Variants in LTO1 observed in about 807,000 individuals in gnomAD.
LTO1 encodes the protein LTO1 maturation factor of ABCE1.
Under a neutral mutation model 19.8 loss-of-function variants are expected in LTO1, and 18 were observed. That is an observed-to-expected ratio of 0.91 (90% CI 0.63 to 1.35). The LOEUF (loss-of-function observed/expected upper bound fraction) is 1.35. Ranked by LOEUF, LTO1 falls within the 40% of genes most tolerant of loss-of-function variation. The pLI is 0.00. For synonymous variants in LTO1, 59 were observed against 59.6 expected (o/e 0.99, Z 0.05); for missense variants, 175 against 167.9 (o/e 1.04, Z -0.23).
chr11:69,667,711 T>C, intron 4 of LTO1, 124 bp from the exon 5 acceptor site: 1 of 754,358 alleles, frequency 1.3e-6, no homozygotes, highest in South Asian at 1.6e-5. Context: ...GAGTTCTAAC[T>C]CCTTTTCTCT....
At chr11:69,673,143 C>T (rs960131455) in intron 2 of LTO1, 73 bp downstream of exon 2, 1 of 913,122 alleles carries the variant, frequency 1.1e-6, no homozygotes, top group African/African-American at 1.6e-5. Flanking sequence ...CTTACTCCAT[C>T]ACACTGAATA....
At chr11:69,675,006 C>T (rs761083536) in intron 1 of LTO1, 184 bp downstream of exon 1, 1 of 696,832 alleles carries the variant, frequency 1.4e-6, no homozygotes, top group South Asian at 1.5e-5. Flanking sequence ...CCGGAGCGGG[C>T]CAGGAGAAGA....
chr11:69,671,746 TA>T lies in LTO1; in HGVS notation c.227+2del, dbSNP rs766499444. The T allele has an allele frequency of 3.2e-6, 5 of 1,559,712 alleles. No homozygotes were observed. In the East Asian group the frequency reaches 1.1e-4, roughly 35 times the overall value. The stretch of plus-strand genomic sequence containing the variant: ...TGAGAAAGAAAGACATCTCCACCTT[TA>T]CCTGTCCTTCTCAGTGGTGCAACTG... On this transcript the variant is annotated splice_donor_variant, in intron 3 of 4. Transcript: ENST00000279147. LOFTEE classifies it high-confidence loss of function.
Position 69,675,212 on chromosome 11 carries a change from C to A in LTO1, c.28G>T (p.Ala10Ser). 1 of 1,554,568 alleles carries A rather than the reference C, an allele frequency of 6.4e-7. No individual in the cohort carries two copies. Among genetic ancestry groups the A allele is most frequent in the Non-Finnish European group, 8.6e-7 (1 of 1,156,180 alleles). ...CACCTCTCATCCGCCATCACGATGG[C>A]ATCGAATATGTCCTGACTGCCAGCC... MAGSQDIFD[A>S]IVMADERFHG... Residue 10 changes from alanine to serine, a missense_variant, in exon 1 of 5, where the codon GCC (alanine) becomes TCC (serine). By Grantham distance (99) the Ala-to-Ser change is moderately conservative. Transcript: ENST00000279147.
At chr11:69,669,670 C>A (rs898867849) in intron 3 of LTO1, among the ~76,000 whole-genome samples, 3 of 152,320 alleles carry the variant, frequency 2.0e-5, no homozygotes, top group African/African-American at 7.2e-5. Context: ...AGAGGCGGCA[C>A]ACGTCAGGCA....
intron 1 of LTO1, chr11:69,674,755 T>TC (rs756706239): frequency 2.2e-6 from 1 of 460,368 alleles, no homozygotes; most frequent in South Asian, 1.5e-5. Flanking sequence ...CACGAGGGGC[T>TC]CCCCAGGGGC....
intron 1 of LTO1, 71 bp downstream of exon 1, chr11:69,675,119 C>T (rs748166235): frequency 1.1e-5 from 15 of 1,427,148 alleles, no homozygotes; most frequent in Non-Finnish European, 1.2e-5. Context: ...CCGCCCTGGG[C>T]CGCAGCCGGC....
chr11:69,671,468 A>G (rs1356614250), intron 3 of LTO1: 3 of 326,328 alleles, frequency 9.2e-6, no homozygotes, highest in Non-Finnish European at 1.7e-5. Flanking sequence ...AGGGTATCTA[A>G]AAGCCACATG....
intron 3 of LTO1, 183 bp downstream of exon 3, chr11:69,671,566 C>A: frequency 1.8e-6 from 1 of 568,938 alleles, no homozygotes; most frequent in South Asian, 2.1e-5. Flanking sequence ...CTAAAATGTG[C>A]CTGGCACTTT....
intron 3 of LTO1, 36 bp from the exon 4 acceptor site, chr11:69,668,048 G>T (rs758220795): frequency 9.8e-7 from 1 of 1,021,102 alleles, no homozygotes; most frequent in Non-Finnish European, 1.6e-6. Context: ...TCAGTCATGT[G>T]CACACAACAG....
intron 3 of LTO1, among the ~76,000 whole-genome samples, chr11:69,670,438 C>A (rs1415115165): frequency 1.3e-5 from 2 of 152,184 alleles, no homozygotes; most frequent in Admixed American, 6.5e-5. Context: ...CTGCCAACAG[C>A]GATTCCCCTG....
intron 1 of LTO1, 128 bp downstream of exon 1, chr11:69,675,062 C>G: frequency 1.2e-6 from 1 of 804,156 alleles, no homozygotes; most frequent in East Asian, 2.7e-5. Context: ...CCACGGCCAC[C>G]AGGCGCTCCC....
At chr11:69,667,805 A>G (rs1314779776) in intron 4 of LTO1, 90 bp downstream of exon 4, 10 of 809,768 alleles carry the variant, frequency 1.2e-5, no homozygotes, top group Admixed American at 3.8e-5. Context: ...GCCCCAGGCC[A>G]TTGCCGCAGC....
intron 4 of LTO1, 103 bp downstream of exon 4, chr11:69,667,792 G>A (rs897056726): frequency 1.0e-5 from 8 of 765,872 alleles, no homozygotes; most frequent in African/African-American, 1.0e-4. Flanking sequence ...CGCGGCGCAC[G>A]CAGCCCCAGG....
chr11:69,674,632 G>A (rs1000375301), intron 1 of LTO1: 20 of 387,682 alleles, frequency 5.2e-5, no homozygotes, highest in African/African-American at 3.6e-4. Flanking sequence ...AAACGTCAGC[G>A]CCTGACTGCT....
chr11:69,671,592 G>C, intron 3 of LTO1, 157 bp downstream of exon 3: 1 of 608,868 alleles, frequency 1.6e-6, no homozygotes, highest in Non-Finnish European at 3.0e-6. Flanking sequence ...TAGTATTTCC[G>C]TTAAATCTCC....
Position 69,668,028 on chromosome 11 carries a change from A to G in LTO1, c.228-16T>C. The G allele has an allele frequency of 8.2e-7, 1 of 1,221,244 alleles. No homozygotes were observed. The highest frequency in any genetic ancestry group is 1.2e-6 in the Non-Finnish European group (1 of 821,388). 75.7% of individuals were successfully genotyped at this position (1,221,244 alleles called of 1,614,324 possible). ...CATCTTTCTGCTGTAAAGCACAGAA[A>G]TACAGACTCTCAGTCATGTGCACAC... On this transcript the variant is annotated splice_polypyrimidine_tract_variant and intron_variant, in intron 3 of 4. Coordinates refer to ENST00000279147, the MANE Select transcript of LTO1 (RefSeq NM_153451.3).
At chr11:69,673,689 C>CTTTTTT (rs71046532) in intron 1 of LTO1, among the ~76,000 whole-genome samples, 3 of 121,226 alleles carry the variant, frequency 2.5e-5, no homozygotes, top group Admixed American at 9.1e-5. Context: ...TTCTTTCTTC[C>CTTTTTT]TTTTTTTTTT....
At chr11:69,669,609 A>C (rs1255857818) in intron 3 of LTO1, among the ~76,000 whole-genome samples, 1 of 152,194 alleles carries the variant, frequency 6.6e-6, no homozygotes, top group African/African-American at 2.4e-5. Flanking sequence ...GCAAGCGGTT[A>C]CTTTTCTGGT....
Sources: gnomAD v4.1 joint callset for allele counts (sites outside exome capture counted in the v4.1 genomes callset) on GRCh38, gnomAD v4.1.1 for gene constraint, MANE v1.5 for transcripts, NCBI Gene and HGNC (gene_info 2026-07-23, HGNC 2026-07-21) for gene names.